Variants in COBL observed in about 807,000 individuals in gnomAD.
COBL encodes cordon-bleu WH2 repeat protein, also known as protein cordon-bleu.
Under a neutral mutation model 98.8 loss-of-function variants are expected in COBL, and 51 were observed. That is an observed-to-expected ratio of 0.52 (90% CI 0.41 to 0.65). The LOEUF (loss-of-function observed/expected upper bound fraction) is 0.65, where lower values mean the gene tolerates loss of function less well. Among genes scored for constraint, COBL ranks in the 30% least tolerant of loss-of-function variants. The pLI is 0.00. For synonymous variants in COBL, 634 were observed against 651.7 expected, an observed-to-expected ratio of 0.97 and a Z score of 0.41; for missense variants, 1,617 against 1,617.5, an observed-to-expected ratio of 1.00 and a Z score of 0.01.
chr7:51,124,180 T>C (rs1171350268), intron 6 of COBL, among the ~76,000 whole-genome samples: 2 of 152,214 alleles, frequency 1.3e-5, no homozygotes, highest in African/African-American at 4.8e-5. Context: ...GTCTCTCTAA[T>C]TGCTATTGTG....
chr7:51,160,377 G>A (rs1215294995), intron 5 of COBL, among the ~76,000 whole-genome samples: 1 of 152,126 alleles, frequency 6.6e-6, no homozygotes, highest in Non-Finnish European at 1.5e-5. Context: ...CAGTCATCAA[G>A]GGAAACAATG....
intron 7 of COBL, among the ~76,000 whole-genome samples, chr7:51,053,661 T>C (rs1790447577): frequency 6.6e-6 from 1 of 152,178 alleles, no homozygotes. Context: ...CACCCTGTAA[T>C]GTCAGTCATC....
intron 7 of COBL, among the ~76,000 whole-genome samples, chr7:51,069,007 G>A (rs1162196187): frequency 6.6e-6 from 1 of 152,122 alleles, no homozygotes; most frequent in Non-Finnish European, 1.5e-5. Context: ...TCAAAACGTT[G>A]CCCTCGGCCT....
intron 6 of COBL, among the ~76,000 whole-genome samples, chr7:51,128,225 C>T (rs1182495203): frequency 6.6e-6 from 1 of 152,206 alleles, no homozygotes; most frequent in Non-Finnish European, 1.5e-5. Context: ...TGCAGCTCAG[C>T]CTGGTCTGAG....
In COBL at chr7:51,100,930, C is replaced by A. The variant is rs540418093; in HGVS notation, c.958-15626G>T. Among the ~76,000 whole-genome samples the A allele has an allele frequency of 5.9e-4, 88 of 150,302 alleles. 1 individual carries two copies. Among genetic ancestry groups the A allele is most frequent in the African/African-American group, 1.7e-3 (70 of 40,916 alleles). Reference sequence around the variant, plus strand: ...ATAAGAAACAAAAAAAAAACAACAACAAAAAAAAACGCAGCAGCAGCTCTT... The same window carrying A: ...ATAAGAAACAAAAAAAAAACAACAAAAAAAAAAAACGCAGCAGCAGCTCTT... On this transcript the variant is annotated intron_variant, in intron 6 of 12. Coordinates refer to ENST00000265136, the MANE Select transcript of COBL (RefSeq NM_015198.5).
chr7:51,201,847 T>G (rs1791159597), intron 2 of COBL, among the ~76,000 whole-genome samples: 1 of 152,240 alleles, frequency 6.6e-6, no homozygotes, highest in Non-Finnish European at 1.5e-5. Flanking sequence ...ATTCACCTTC[T>G]GTGATATCAT....
intron 1 of COBL, among the ~76,000 whole-genome samples, chr7:51,264,750 T>C (rs1247726141): frequency 6.7e-6 from 1 of 149,380 alleles, no homozygotes; most frequent in Admixed American, 6.7e-5. Context: ...TGCACATTGA[T>C]AACATCAAAA....
Position 51,172,947 on chromosome 7 carries a change from C to A in COBL, c.783+11155G>T, listed in dbSNP as rs573094186. On this transcript the variant is annotated intron_variant, in intron 5 of 12. Coordinates refer to ENST00000265136, the MANE Select transcript of COBL (RefSeq NM_015198.5). ...GGGATTACAAGTGTGTATCACCACA[C>A]CCAGCTAATTTTTGTATTTTTAGTA... Among the ~76,000 whole-genome samples, 113 of 152,084 alleles carry A rather than the reference C, an allele frequency of 7.4e-4. 2 individuals are homozygous for A. In the South Asian group the frequency reaches 0.023, roughly 31 times the overall value.
At chr7:51,255,520 A>G (rs1797121258) in intron 1 of COBL, among the ~76,000 whole-genome samples, 3 of 152,148 alleles carry the variant, frequency 2.0e-5, no homozygotes, top group African/African-American at 7.2e-5. Context: ...GAGGGTCTGC[A>G]TATTTGAGGG....
At chr7:51,100,920 A>C (rs910497606) in intron 6 of COBL, among the ~76,000 whole-genome samples, 2 of 151,948 alleles carry the variant, frequency 1.3e-5, no homozygotes, top group Non-Finnish European at 2.9e-5. Context: ...AAACAAAAAA[A>C]AAACAACAAC....
At chr7:51,048,698 AT>A (rs1467092764) in intron 7 of COBL, among the ~76,000 whole-genome samples, 1 of 151,964 alleles carries the variant, frequency 6.6e-6, no homozygotes, top group African/African-American at 2.4e-5. Context: ...TGTAATTTTC[AT>A]TTTCCCTCAC....
At chr7:51,020,883 TTAAGG>T (rs1562798927) in intron 12 of COBL, 1 of 152,232 alleles carries the variant, frequency 6.6e-6, no homozygotes. Context: ...AACGTCACTG[TTAAGG>T]TAATTATTCC....
intron 7 of COBL, among the ~76,000 whole-genome samples, chr7:51,066,653 A>C (rs1184033210): frequency 6.6e-6 from 1 of 152,186 alleles, no homozygotes; most frequent in East Asian, 1.9e-4. Flanking sequence ...AGTGCATGGG[A>C]AGGGGGTGCC....
chr7:51,104,197 G>T (rs939732091), intron 6 of COBL, among the ~76,000 whole-genome samples: 1 of 152,186 alleles, frequency 6.6e-6, no homozygotes, highest in Non-Finnish European at 1.5e-5. Context: ...AGAGACACCA[G>T]GAGGCTAACA....
At chr7:51,130,015 T>A (rs1798586450) in intron 6 of COBL, among the ~76,000 whole-genome samples, 1 of 151,956 alleles carries the variant, frequency 6.6e-6, no homozygotes, top group Admixed American at 6.6e-5. Context: ...GGAGTGCAGG[T>A]GGGAGCAAAG....
chr7:51,314,985 A>G (rs1253476040), intron 1 of COBL, among the ~76,000 whole-genome samples: 1 of 152,224 alleles, frequency 6.6e-6, no homozygotes, highest in Non-Finnish European at 1.5e-5. Context: ...CAAGGATCTT[A>G]CAGATACTCT....
At chr7:51,042,893 G>A (rs530013492) in intron 8 of COBL, among the ~76,000 whole-genome samples, 35 of 152,254 alleles carry the variant, frequency 2.3e-4, no homozygotes, top group South Asian at 1.9e-3. Context: ...GCAGACACTG[G>A]GGGGCCCGCC....
At chr7:51,206,216 G>C (rs920679033) in intron 2 of COBL, among the ~76,000 whole-genome samples, 1 of 152,164 alleles carries the variant, frequency 6.6e-6, no homozygotes, top group Non-Finnish European at 1.5e-5. Context: ...AATGGGCCAG[G>C]CACGGTGGTT....
chr7:51,312,565 T>C (rs1803159638), intron 1 of COBL, among the ~76,000 whole-genome samples: 1 of 152,224 alleles, frequency 6.6e-6, no homozygotes, highest in South Asian at 2.1e-4. Flanking sequence ...AAACTACTTA[T>C]TACGGTGTAT....
Sources: allele counts gnomAD v4.1 joint callset (sites outside exome capture counted in the v4.1 genomes callset), GRCh38; gene constraint gnomAD v4.1.1; transcripts MANE v1.5; gene names NCBI Gene and HGNC (gene_info 2026-07-23, HGNC 2026-07-21).